FOXO1: variants seen among roughly 807,000 people sequenced by gnomAD.
FOXO1 encodes forkhead box O1, also known as forkhead box protein O1.
Under a neutral mutation model 44.1 loss-of-function variants are expected in FOXO1, and 6 were observed. The ratio of observed to expected loss-of-function variants is 0.14; its 90% confidence interval spans 0.07 to 0.27. The LOEUF is 0.27. FOXO1 is among the 10% of genes least tolerant of loss of function. The pLI, the probability that FOXO1 is intolerant of heterozygous loss-of-function variation, is 1.00. For missense variants in FOXO1, 737 were observed against 888.8 expected (o/e 0.83, Z 2.17); for synonymous variants, 380 against 362.7 (o/e 1.05, Z -0.54).
chr13:40,586,603 G>C (rs1566068178), intron 1 of FOXO1, among the ~76,000 whole-genome samples: 1 of 152,150 alleles, frequency 6.6e-6, no homozygotes, highest in Non-Finnish European at 1.5e-5. Context: ...GGGAAATAGT[G>C]TGTAGTATCA....
At chr13:40,621,390 C>G (rs1255504665) in intron 1 of FOXO1, 6 of 333,232 alleles carry the variant, frequency 1.8e-5, no homozygotes, top group Non-Finnish European at 3.3e-5. Flanking sequence ...TTTAGTAGAA[C>G]TGAATGTTCA....
chr13:40,641,319 C>T (rs73467079), intron 1 of FOXO1, among the ~76,000 whole-genome samples: 135 of 152,162 alleles, frequency 8.9e-4, no homozygotes, highest in African/African-American at 3.0e-3. Flanking sequence ...TCCTCCCAAC[C>T]GCTCATTAAT....
intron 1 of FOXO1, among the ~76,000 whole-genome samples, chr13:40,617,500 G>A (rs1235787846): frequency 2.0e-5 from 3 of 151,728 alleles, no homozygotes; most frequent in Non-Finnish European, 4.4e-5. Context: ...GAGAAGGGTG[G>A]GAAATCATAT....
rs906462774 is a variant in FOXO1, at chr13:40,666,510, G to T, written c.-298C>A. The stretch of plus-strand genomic sequence containing the variant: ...GCCGCGCTCCAGCTGACAGGGCCGC[G>T]GACGGAAGGACGGACGGACGCCGCG... On this transcript the variant is annotated 5_prime_UTR_variant, in exon 1 of 3. Transcript: ENST00000379561. 1 of 307,860 alleles carries T rather than the reference G, an allele frequency of 3.2e-6. No individual in the cohort carries two copies. The highest frequency in any genetic ancestry group is 2.1e-5 in the African/African-American group (1 of 46,938). The allele number at this position is 307,860 out of a possible 1,614,324, so 19.1% of individuals were successfully genotyped here.
chr13:40,559,963 GGC>G lies in FOXO1; in HGVS notation c.1526_1527del (p.Ser509ThrfsTer5). ...GPNSVMSTYG[S>X]QASHNKMMNP... ...TTCATCATTTTGTTATGAGATGCCT[GGC>G]TGCCATAGGTTGACATGACCGAATT... On this transcript the variant is annotated frameshift_variant, in exon 2 of 3. Coordinates refer to ENST00000379561, the MANE Select transcript of FOXO1 (RefSeq NM_002015.4). LOFTEE classifies it high-confidence loss of function. 6.2e-7 allele frequency: 1 copy of G among 1,614,164 alleles called. No individual in the cohort carries two copies.
chr13:40,579,239 C>CACA (rs971064369), intron 1 of FOXO1, among the ~76,000 whole-genome samples: 3 of 152,190 alleles, frequency 2.0e-5, no homozygotes, highest in African/African-American at 7.2e-5. Context: ...TACCAAATAA[C>CACA]ACACCTGCCC....
intron 1 of FOXO1, among the ~76,000 whole-genome samples, chr13:40,593,671 A>G (rs1566070038): frequency 6.6e-6 from 1 of 152,246 alleles, no homozygotes; most frequent in Non-Finnish European, 1.5e-5. Context: ...GAAAAAAAAT[A>G]GTTTTATTGT....
chr13:40,631,206 A>T (rs1876951882), intron 1 of FOXO1, among the ~76,000 whole-genome samples: 1 of 152,198 alleles, frequency 6.6e-6, no homozygotes, highest in South Asian at 2.1e-4. Context: ...TTTATGCTGC[A>T]ACTTTTCAGC....
At chr13:40,595,151 A>T (rs911138520) in intron 1 of FOXO1, among the ~76,000 whole-genome samples, 9 of 152,214 alleles carry the variant, frequency 5.9e-5, no homozygotes, top group African/African-American at 1.9e-4. Context: ...AGCGATTAGG[A>T]GGTTTAATAA....
chr13:40,560,161 C>T lies in FOXO1; in HGVS notation c.1330G>A (p.Asp444Asn). 6.2e-7 allele frequency: 1 copy of T among 1,614,068 alleles called. No individual in the cohort carries two copies. The highest frequency in any genetic ancestry group is 8.5e-7 in the Non-Finnish European group (1 of 1,180,020). ...ATACCTCCATAACTCGACTTATTGT[C>T]CTGAAGTGTTTGTATAGGCATCTGG... The part of the protein sequence containing the change: ...LPQMPIQTLQ[D>N]NKSSYGGMSQ... The change falls in exon 2 of 3, where the codon GAC (aspartate) becomes AAC (asparagine). Residue 444 changes from aspartate to asparagine, a missense_variant. Transcript: ENST00000379561. This position sits in a 1 kb window ranked among gnomAD's most constrained non-coding sequence, Gnocchi z 5.1.
chr13:40,590,162 TC>T (rs1875314152), intron 1 of FOXO1, among the ~76,000 whole-genome samples: 2 of 152,100 alleles, frequency 1.3e-5, no homozygotes, highest in Admixed American at 1.3e-4. Flanking sequence ...ATCATTTCTG[TC>T]CAAGAATGAC....
intron 1 of FOXO1, among the ~76,000 whole-genome samples, chr13:40,635,606 G>A (rs554756676): frequency 6.6e-6 from 1 of 152,332 alleles, no homozygotes; most frequent in African/African-American, 2.4e-5. Flanking sequence ...ATTACCACGA[G>A]TCTGGAAGAG....
intron 1 of FOXO1, among the ~76,000 whole-genome samples, chr13:40,622,952 G>GT (rs1876664132): frequency 6.6e-6 from 1 of 152,096 alleles, no homozygotes; most frequent in South Asian, 2.1e-4. Context: ...TGATTCAAAG[G>GT]TTTAAGCCCA....
chr13:40,560,109 A>G lies in FOXO1; in HGVS notation c.1382T>C (p.Leu461Pro). Residue 461 changes from leucine (L) to proline (P), a missense_variant, in exon 2 of 3, where the codon CTC (leucine) becomes CCC (proline). Coordinates refer to ENST00000379561, the MANE Select transcript of FOXO1 (RefSeq NM_002015.4). The surrounding 1 kb of genome is among the most constrained non-coding windows in gnomAD (Gnocchi z 5.1). The stretch of plus-strand genomic sequence containing the variant: ...GTCAGAAGTCAGCAACTCCTTCAAG[A>G]GTCCAGGCGCACAGTTATACTGACT... The part of the protein sequence containing the change: ...GMSQYNCAPG[L>P]LKELLTSDSP... The G allele has an allele frequency of 6.2e-7, 1 of 1,614,124 alleles. No homozygotes were observed. The highest frequency in any genetic ancestry group is 8.5e-7 in the Non-Finnish European group (1 of 1,180,032).
At chr13:40,630,013 C>A (rs1876909560) in intron 1 of FOXO1, among the ~76,000 whole-genome samples, 1 of 152,218 alleles carries the variant, frequency 6.6e-6, no homozygotes. Context: ...TACATTACAT[C>A]TAACATTTTT....
At chr13:40,611,680 G>C (rs1180814836) in intron 1 of FOXO1, among the ~76,000 whole-genome samples, 1 of 152,174 alleles carries the variant, frequency 6.6e-6, no homozygotes, top group African/African-American at 2.4e-5. Context: ...CGGAAGCTGT[G>C]TTTGGGAGAG....
At chr13:40,623,921 T>C (rs1453463587) in intron 1 of FOXO1, among the ~76,000 whole-genome samples, 2 of 125,060 alleles carry the variant, frequency 1.6e-5, no homozygotes, top group South Asian at 2.8e-4. Flanking sequence ...CACCATCTCT[T>C]AAAAAAAAAA....
Position 40,560,907 on chromosome 13 carries a change from C to T in FOXO1, c.631-47G>A. ...TAGAAGTACAATACTTCTCTGCTTG[C>T]AAAACTTCCTATTCTACATGTATTA... On this transcript the variant is annotated intron_variant, in intron 1 of 2. Coordinates refer to ENST00000379561, the MANE Select transcript of FOXO1 (RefSeq NM_002015.4). The surrounding 1 kb of genome is among the most constrained non-coding windows in gnomAD (Gnocchi z 5.1). The T allele has an allele frequency of 6.6e-7, 1 of 1,525,172 alleles. No homozygotes were observed. The highest frequency in any genetic ancestry group is 8.8e-7 in the Non-Finnish European group (1 of 1,138,564). 94.5% of individuals were successfully genotyped at this position (1,525,172 alleles called of 1,614,324 possible). A position where few individuals can be genotyped will look rare whatever the true frequency, so the allele number is the denominator to read the frequency against.
At chr13:40,622,709 G>C (rs1244671120) in intron 1 of FOXO1, among the ~76,000 whole-genome samples, 1 of 152,158 alleles carries the variant, frequency 6.6e-6, no homozygotes, top group African/African-American at 2.4e-5. Flanking sequence ...ATAGTACACA[G>C]AAAACACACA....
Sources: gnomAD v4.1 joint callset for allele counts (sites outside exome capture counted in the v4.1 genomes callset) on GRCh38, gnomAD v4.1.1 for gene constraint, Gnocchi (gnomAD v3.1) non-coding constraint, MANE v1.5 for transcripts, NCBI Gene and HGNC (gene_info 2026-07-23, HGNC 2026-07-21) for gene names.